IGF1R: variants seen among roughly 807,000 people sequenced by gnomAD.
IGF1R encodes the protein insulin like growth factor 1 receptor, also known as insulin-like growth factor 1 receptor.
IGF1R carries 44 observed loss-of-function variants against 144.6 expected under a neutral mutation model. The observed-to-expected ratio is 0.30, with a 90% CI of 0.24 to 0.39. The LOEUF (loss-of-function observed/expected upper bound fraction) is 0.39, where lower values mean the gene tolerates loss of function less well. Among genes scored for constraint, IGF1R ranks in the 10% least tolerant of loss-of-function variants. The pLI is 1.00. For missense variants in IGF1R, 1,355 were observed against 1,833.7 expected (o/e 0.74, Z 4.77); for synonymous variants, 795 against 722.8 (o/e 1.10, Z -1.60).
intron 18 of IGF1R, among the ~76,000 whole-genome samples, chr15:98,942,480 C>T (rs1248994972): frequency 6.6e-6 from 1 of 152,078 alleles, no homozygotes; most frequent in Admixed American, 6.5e-5. Flanking sequence ...AACACAGGCG[C>T]ACACCACCAC....
At chr15:98,673,790 A>C (rs2052960677) in intron 1 of IGF1R, among the ~76,000 whole-genome samples, 1 of 152,140 alleles carries the variant, frequency 6.6e-6, no homozygotes, top group Non-Finnish European at 1.5e-5. Context: ...CAAAATAGTT[A>C]TTGTGCAAAT....
At position 98,961,476 on chromosome 15, in the gene IGF1R, C is replaced by T. The variant is rs1021877669; in HGVS notation, c.*4034C>T. ...ACCAACCCACCCACCTTGACTATAC[C>T]AAGGCATCATCTATCCACAGTTCTA... is the stretch of plus-strand genomic sequence containing the variant. On this transcript the variant is annotated 3_prime_UTR_variant, in exon 21 of 21. Coordinates refer to ENST00000650285, the MANE Select transcript of IGF1R (RefSeq NM_000875.5). 14 of 233,314 alleles carry T rather than the reference C, an allele frequency of 6.0e-5. No homozygotes were observed. Among genetic ancestry groups the T allele is most frequent in the African/African-American group, 2.9e-4 (13 of 45,316 alleles). 14.5% of individuals were successfully genotyped at this position (233,314 alleles called of 1,614,324 possible).
At chr15:98,916,981 C>G in intron 10 of IGF1R, 105 bp downstream of exon 10, 1 of 946,348 alleles carries the variant, frequency 1.1e-6, no homozygotes, top group Non-Finnish European at 1.7e-6. Flanking sequence ...CTGGGGGGTA[C>G]AATACAGTAG....
chr15:98,677,778 A>T (rs1237767848), intron 1 of IGF1R, among the ~76,000 whole-genome samples: 3 of 152,252 alleles, frequency 2.0e-5, no homozygotes, highest in Non-Finnish European at 4.4e-5. Context: ...CTGCTCAGCC[A>T]GTAGGCCCTG....
chr15:98,876,048 A>G (rs957639013), intron 2 of IGF1R, among the ~76,000 whole-genome samples: 2 of 152,194 alleles, frequency 1.3e-5, no homozygotes, highest in Admixed American at 6.5e-5. Flanking sequence ...TCACTTTACA[A>G]TTTGCATGAT....
chr15:98,899,142 G>C (rs1383622363), intron 4 of IGF1R, among the ~76,000 whole-genome samples: 2 of 152,224 alleles, frequency 1.3e-5, no homozygotes, highest in Non-Finnish European at 2.9e-5. Flanking sequence ...TCTGTTGACA[G>C]AGCATATTAA....
At chr15:98,809,689 G>A (rs1158050522) in intron 2 of IGF1R, among the ~76,000 whole-genome samples, 2 of 152,178 alleles carry the variant, frequency 1.3e-5, no homozygotes, top group African/African-American at 4.8e-5. Context: ...ATGTTTGTTG[G>A]TTCTGTTTTC....
At chr15:98,817,845 A>C (rs2056727215) in intron 2 of IGF1R, among the ~76,000 whole-genome samples, 1 of 152,102 alleles carries the variant, frequency 6.6e-6, no homozygotes, top group South Asian at 2.1e-4. Flanking sequence ...GCCCTTTCTG[A>C]CCACCCCAGC....
intron 2 of IGF1R, among the ~76,000 whole-genome samples, chr15:98,825,279 G>A (rs1471509865): frequency 2.0e-5 from 3 of 152,190 alleles, no homozygotes; most frequent in Non-Finnish European, 4.4e-5. Flanking sequence ...ACCAAAATCT[G>A]GGACCACCCC....
rs568814299 is a variant in IGF1R at position 98,960,965 on chromosome 15, C to G, written c.*3523C>G. On this transcript the variant is annotated 3_prime_UTR_variant, in exon 21 of 21. Coordinates refer to ENST00000650285, the MANE Select transcript of IGF1R (RefSeq NM_000875.5). The stretch of plus-strand genomic sequence containing the variant: ...GTCCTGCTGCTCACAGGACAGACGG[C>G]TCGCTCCCCTCTTCCAGCAGCTGCT... 65 of 233,796 alleles carry G rather than the reference C, an allele frequency of 2.8e-4. No homozygotes were observed. Among genetic ancestry groups the G allele is most frequent in the African/African-American group, 1.2e-3 (53 of 45,460 alleles). 14.5% of individuals were successfully genotyped at this position (233,796 alleles called of 1,614,324 possible).
chr15:98,747,506 A>G (rs1311761908), intron 2 of IGF1R, among the ~76,000 whole-genome samples: 1 of 152,172 alleles, frequency 6.6e-6, no homozygotes, highest in Non-Finnish European at 1.5e-5. Context: ...AATTTGTAAT[A>G]AATCAGGGTA....
chr15:98,665,119 A>AT (rs1419035766), intron 1 of IGF1R, among the ~76,000 whole-genome samples: 3 of 151,786 alleles, frequency 2.0e-5, no homozygotes, highest in East Asian at 1.9e-4. Flanking sequence ...TGCCACACTA[A>AT]TTTTTGTATT....
At chr15:98,865,305 C>T (rs1429117155) in intron 2 of IGF1R, among the ~76,000 whole-genome samples, 1 of 152,156 alleles carries the variant, frequency 6.6e-6, no homozygotes, top group Non-Finnish European at 1.5e-5. Context: ...ACTTACAGAC[C>T]CCAAAGGATA....
intron 20 of IGF1R, 136 bp from the exon 21 acceptor site, chr15:98,956,925 G>C (rs2017011683): frequency 1.0e-6 from 1 of 972,148 alleles, no homozygotes; most frequent in Admixed American, 1.8e-5. Flanking sequence ...GCCAGGGATG[G>C]AGAGGGGCAG....
chr15:98,808,232 G>C (rs2141450961), intron 2 of IGF1R, among the ~76,000 whole-genome samples: 1 of 152,324 alleles, frequency 6.6e-6, no homozygotes, highest in African/African-American at 2.4e-5. Context: ...AAGATACTGG[G>C]AGATGTTAGC....
In IGF1R at chr15:98,958,647, T is replaced by G. The variant is rs1596496382; in HGVS notation, c.*1205T>G. The G allele has an allele frequency of 8.6e-6, 2 of 232,242 alleles. No individual in the cohort carries two copies. The highest frequency in any genetic ancestry group is 1.2e-4 in the East Asian group (2 of 16,390). The allele number at this position is 232,242 out of a possible 1,614,324, so 14.4% of individuals were successfully genotyped here. ...ACATTTGCATACACATCGTCTTTAATGTCACTTTTATAACTTTTTTACGGT... is the reference window on the plus strand; with the variant it reads ...ACATTTGCATACACATCGTCTTTAAGGTCACTTTTATAACTTTTTTACGGT... On this transcript the variant is annotated 3_prime_UTR_variant, in exon 21 of 21. Transcript: ENST00000650285.
At chr15:98,734,856 T>C (rs1001816755) in intron 2 of IGF1R, 3 of 152,232 alleles carry the variant, frequency 2.0e-5, no homozygotes, top group East Asian at 1.9e-4. Context: ...GTCAATTGGG[T>C]ATTTCCCTTC....
At chr15:98,689,262 A>G (rs1296736271) in intron 1 of IGF1R, among the ~76,000 whole-genome samples, 1 of 122,012 alleles carries the variant, frequency 8.2e-6, no homozygotes, top group Non-Finnish European at 1.6e-5. Flanking sequence ...TTTTTTTGAC[A>G]GAGTCTTGCT....
At chr15:98,930,444 A>ATTTC in intron 15 of IGF1R, 139 bp downstream of exon 15, 3 of 620,582 alleles carry the variant, frequency 4.8e-6, no homozygotes, top group South Asian at 3.7e-5. Context: ...CTTCATTAAT[A>ATTTC]TTTCTTTCTT....
Sources: allele counts gnomAD v4.1 joint callset (sites outside exome capture counted in the v4.1 genomes callset), GRCh38; gene constraint gnomAD v4.1.1; transcripts MANE v1.5; gene names NCBI Gene and HGNC (gene_info 2026-07-23, HGNC 2026-07-21).